PRKCG: variants seen among roughly 807,000 people sequenced by gnomAD.
PRKCG encodes the protein protein kinase C gamma type.
PRKCG carries 28 observed loss-of-function variants against 82.0 expected under a neutral mutation model. The observed-to-expected ratio is 0.34, with a 90% CI of 0.25 to 0.47. PRKCG has a LOEUF of 0.47. Among genes scored for constraint, PRKCG ranks in the 20% least tolerant of loss-of-function variants. The pLI, the probability that PRKCG is intolerant of heterozygous loss-of-function variation, is 1.00. For synonymous variants in PRKCG, 383 were observed against 376.6 expected, an observed-to-expected ratio of 1.02 and a Z score of -0.20; for missense variants, 640 against 952.7, an observed-to-expected ratio of 0.67 and a Z score of 4.32.
In PRKCG at chr19:53,889,195, C is replaced by G. The variant is rs1032479761; in HGVS notation, c.286-443C>G. Among the ~76,000 whole-genome samples, 1 of 152,072 alleles carries G rather than the reference C, an allele frequency of 6.6e-6. No homozygotes were observed. The highest frequency in any genetic ancestry group is 2.4e-5 in the African/African-American group (1 of 41,406). ...CCGGAACTCCTGAGCTCAAGGCAATCCGCCCACCTCGGCCTCCCAAAGTGC... is the reference window on the plus strand; with the variant it reads ...CCGGAACTCCTGAGCTCAAGGCAATGCGCCCACCTCGGCCTCCCAAAGTGC... On this transcript the variant is annotated intron_variant, in intron 3 of 17. Coordinates refer to ENST00000263431, the MANE Select transcript of PRKCG (RefSeq NM_002739.5). The surrounding 1 kb of genome is among the most constrained non-coding windows in gnomAD (Gnocchi z 4.4).
chr19:53,903,666 C>T (rs2068781100), intron 15 of PRKCG, among the ~76,000 whole-genome samples: 1 of 152,114 alleles, frequency 6.6e-6, no homozygotes, highest in African/African-American at 2.4e-5. Context: ...TCACATGAGC[C>T]CAAGAACTCA....
Position 53,907,153 on chromosome 19 carries a change from C to T in PRKCG, c.*258C>T, listed in dbSNP as rs2068820504. Reference sequence around the variant, plus strand: ...CCTGACCTTAGCGTTCTGGACTCTGCCCCAATCGGGTCCAGAGACCACACC... The same window carrying T: ...CCTGACCTTAGCGTTCTGGACTCTGTCCCAATCGGGTCCAGAGACCACACC... On this transcript the variant is annotated 3_prime_UTR_variant, in exon 18 of 18. Coordinates refer to ENST00000263431, the MANE Select transcript of PRKCG (RefSeq NM_002739.5). 2 of 760,076 alleles carry T rather than the reference C, an allele frequency of 2.6e-6. No homozygotes were observed. The highest frequency in any genetic ancestry group is 5.9e-5 in the Admixed American group (2 of 33,700). The allele number at this position is 760,076 out of a possible 1,614,324, so 47.1% of individuals were successfully genotyped here.
rs767510153 is a variant in PRKCG, at chr19:53,893,000, G to A, written c.834G>A (p.Leu278=). 6.2e-7 allele frequency: 1 copy of A among 1,614,042 alleles called. No homozygotes were observed. Among genetic ancestry groups the A allele is most frequent in the South Asian group, 1.1e-5 (1 of 91,060 alleles). The change falls in exon 8 of 18, where the codon CTG becomes CTA. Residue 278 remains leucine (L), a synonymous_variant. Coordinates refer to ENST00000263431, the MANE Select transcript of PRKCG (RefSeq NM_002739.5). This position sits in a 1 kb window ranked among gnomAD's most constrained non-coding sequence, Gnocchi z 5.9. ...KAPVDGWYKL[L]NQEEGEYYNV... is the part of the protein sequence containing the mutation. ...GTCTGTATGTCAGGTACAAGTTACTGAACCAGGAGGAGGGCGAGTATTACA... is the reference window on the plus strand; with the variant it reads ...GTCTGTATGTCAGGTACAAGTTACTAAACCAGGAGGAGGGCGAGTATTACA...
At chr19:53,898,334 G>A in intron 10 of PRKCG, 106 bp from the exon 11 acceptor site, 1 of 1,461,022 alleles carries the variant, frequency 6.8e-7, no homozygotes. Flanking sequence ...TTAAGAGATG[G>A]AGGAAGGGCC....
At chr19:53,894,439 T>G (rs1393785451) in intron 9 of PRKCG, among the ~76,000 whole-genome samples, 5 of 150,900 alleles carry the variant, frequency 3.3e-5, no homozygotes, top group African/African-American at 9.9e-5. Context: ...TCACTGAATA[T>G]CCTTCTTTTT....
rs2068820693 is a variant in PRKCG, at chr19:53,907,180, C to T, written c.*285C>T. On this transcript the variant is annotated 3_prime_UTR_variant, in exon 18 of 18. Transcript: ENST00000263431. ...CCAATCGGGTCCAGAGACCACACCA[C>T]TAACCATCCCCAACTCCATGGGGTT... 1.7e-6 allele frequency: 1 copy of T among 586,428 alleles called. No individual in the cohort carries two copies. The highest frequency in any genetic ancestry group is 2.9e-6 in the Non-Finnish European group (1 of 339,478). The allele number at this position is 586,428 out of a possible 1,614,324, so 36.3% of individuals were successfully genotyped here.
At position 53,900,183 on chromosome 19, in the gene PRKCG, C is replaced by A. The variant is rs1433380045; in HGVS notation, c.1282-50C>A. On this transcript the variant is annotated intron_variant, in intron 11 of 17. Coordinates refer to ENST00000263431, the MANE Select transcript of PRKCG (RefSeq NM_002739.5). The surrounding 1 kb of genome is among the most constrained non-coding windows in gnomAD (Gnocchi z 4.2). ...CTGAGTGATCAGGAAAGAAATTCTC[C>A]TACTCTGGGTAGATGGATCCCGCCT... 6.5e-7 allele frequency: 1 copy of A among 1,537,302 alleles called. No homozygotes were observed. The highest frequency in any genetic ancestry group is 1.4e-5 in the African/African-American group (1 of 73,292).
In PRKCG at chr19:53,883,069, G is replaced by T; in HGVS notation, c.171-94G>T. The T allele has an allele frequency of 1.3e-6, 2 of 1,505,690 alleles. No individual in the cohort carries two copies. Among genetic ancestry groups the T allele is most frequent in the Non-Finnish European group, 1.8e-6 (2 of 1,082,158 alleles). 93.3% of individuals were successfully genotyped at this position (1,505,690 alleles called of 1,614,324 possible). ...GCTTGGACACCTGGGCCCTGCGGGA[G>T]GAGGGTCAGAGAGCGCAGGCCCCCT... is the stretch of plus-strand genomic sequence containing the variant. On this transcript the variant is annotated intron_variant, in intron 1 of 17. Coordinates refer to ENST00000263431, the MANE Select transcript of PRKCG (RefSeq NM_002739.5). This position sits in a 1 kb window ranked among gnomAD's most constrained non-coding sequence, Gnocchi z 5.4.
chr19:53,887,465 C>G (rs1234162794), intron 3 of PRKCG, among the ~76,000 whole-genome samples: 1 of 120,016 alleles, frequency 8.3e-6, no homozygotes, highest in Non-Finnish European at 1.6e-5. Flanking sequence ...CCATTGCACT[C>G]CAGCCTGGGC....
intron 5 of PRKCG, among the ~76,000 whole-genome samples, chr19:53,891,092 T>C (rs1599944430): frequency 6.6e-6 from 1 of 151,902 alleles, no homozygotes; most frequent in South Asian, 2.1e-4. Flanking sequence ...GGAGAGTACC[T>C]GGTTCTGAGG....
At chr19:53,891,278 C>CTT (rs537462382) in intron 5 of PRKCG, among the ~76,000 whole-genome samples, 29 of 133,854 alleles carry the variant, frequency 2.2e-4, no homozygotes, top group South Asian at 9.6e-4. Context: ...GCTTGGAATT[C>CTT]TTTTTTTTTT....
chr19:53,891,808 G>A lies in PRKCG; in HGVS notation c.664G>A (p.Val222Met). The change falls in exon 6 of 18, where the codon GTG (valine) becomes ATG (methionine). Residue 222 changes from valine (V) to methionine (M), a missense_variant. Around this residue, in one of 7 missense-constraint regions of PRKCG, gnomAD observed 261 missense variants for 312.1 expected, o/e 0.84. Transcript: ENST00000263431. ...AACGGTGAAAGCCACGCTAAACCCT[G>A]TGTGGAATGAGACCTTTGTGTTGTG... ...TRTVKATLNP[V>M]WNETFVFNLK... is the part of the protein sequence containing the mutation. The A allele has an allele frequency of 1.2e-6, 2 of 1,614,102 alleles. No homozygotes were observed. Among genetic ancestry groups the A allele is most frequent in the Non-Finnish European group, 1.7e-6 (2 of 1,180,010 alleles).
chr19:53,881,565 C>T (rs890838505), upstream of PRKCG, among the ~76,000 whole-genome samples: 21 of 151,670 alleles, frequency 1.4e-4, no homozygotes, highest in African/African-American at 5.1e-4. Context: ...CCGAGAAGAA[C>T]CACGACACCA....
At position 53,907,357 on chromosome 19, in the gene PRKCG, G is replaced by T. The variant is rs2068822520; in HGVS notation, c.*462G>T. The T allele has an allele frequency of 4.6e-6, 1 of 215,114 alleles. No individual in the cohort carries two copies. The highest frequency in any genetic ancestry group is 6.8e-5 in the South Asian group (1 of 14,726). 13.3% of individuals were successfully genotyped at this position (215,114 alleles called of 1,614,324 possible). A position where few individuals can be genotyped will look rare whatever the true frequency, so the allele number is the denominator to read the frequency against. Reference sequence around the variant, plus strand: ...CACTCTAGTTCTAGATGAGTGGGAGGCGTGCCCCCCTCCTCCAGTACGTCC... The same window carrying T: ...CACTCTAGTTCTAGATGAGTGGGAGTCGTGCCCCCCTCCTCCAGTACGTCC... On this transcript the variant is annotated 3_prime_UTR_variant, in exon 18 of 18. Coordinates refer to ENST00000263431, the MANE Select transcript of PRKCG (RefSeq NM_002739.5).
In PRKCG at chr19:53,882,516, G is replaced by A. The variant is rs1434781374; in HGVS notation, c.22G>A (p.Val8Ile). ...GGCCATGGCTGGTCTGGGCCCCGGC[G>A]TAGGCGATTCAGAGGGGGGACCCCG... Reference protein sequence around the residue: MAGLGPGVGDSEGGPRPL... With the variant: MAGLGPGIGDSEGGPRPL... Residue 8 changes from valine to isoleucine, a missense_variant, in exon 1 of 18, where the codon GTA becomes ATA. Val to Ile is a conservative substitution (Grantham distance 29). Transcript: ENST00000263431. This position sits in a 1 kb window ranked among gnomAD's most constrained non-coding sequence, Gnocchi z 6.1. The A allele has an allele frequency of 6.2e-7, 1 of 1,614,120 alleles. No homozygotes were observed. Among genetic ancestry groups the A allele is most frequent in the South Asian group, 1.1e-5 (1 of 91,076 alleles).
intron 9 of PRKCG, among the ~76,000 whole-genome samples, chr19:53,896,947 G>A (rs1182029330): frequency 6.6e-6 from 1 of 152,190 alleles, no homozygotes; most frequent in East Asian, 1.9e-4. Flanking sequence ...CCTCTATGAA[G>A]TGATGCTTGA....
At chr19:53,897,381 G>C (rs2068725458) in intron 9 of PRKCG, among the ~76,000 whole-genome samples, 3 of 152,202 alleles carry the variant, frequency 2.0e-5, no homozygotes. Context: ...GTAGAGAAGG[G>C]ACCCTAGCTG....
chr19:53,882,287 C>A lies in PRKCG; in HGVS notation c.-208C>A. 1 of 692,820 alleles carries A rather than the reference C, an allele frequency of 1.4e-6. No individual in the cohort carries two copies. Among genetic ancestry groups the A allele is most frequent in the South Asian group, 1.7e-5 (1 of 58,714 alleles). 42.9% of individuals were successfully genotyped at this position (692,820 alleles called of 1,614,324 possible). A position where few individuals can be genotyped will look rare whatever the true frequency, so the allele number is the denominator to read the frequency against. On this transcript the variant is annotated 5_prime_UTR_variant, in exon 1 of 18. Transcript: ENST00000263431. This position sits in a 1 kb window ranked among gnomAD's most constrained non-coding sequence, Gnocchi z 6.1. ...CCCTGCCTTTGGCTCTTCCTCCCCA[C>A]TCGCCCGCTCCCCCTGGCGGAGCCG...
chr19:53,904,211 TATG>T, intron 15 of PRKCG, among the ~76,000 whole-genome samples: 1 of 151,820 alleles, frequency 6.6e-6, no homozygotes, highest in Non-Finnish European at 1.5e-5. Context: ...GCCTGGCCAA[TATG>T]ATGAAACCCC....
Sources: allele counts gnomAD v4.1 joint callset (sites outside exome capture counted in the v4.1 genomes callset), GRCh38; gene constraint gnomAD v4.1.1; regional missense constraint gnomAD v4.1.1; non-coding constraint Gnocchi (gnomAD v3.1); transcripts MANE v1.5; gene names NCBI Gene and HGNC (gene_info 2026-07-23, HGNC 2026-07-21).